The following MTCL1 variants were observed in gnomAD, a reference collection of about 807,000 sequenced individuals.
The protein encoded by MTCL1 is microtubule cross-linking factor 1.
MTCL1 carries 79 observed loss-of-function variants against 141.4 expected under a neutral mutation model. The observed-to-expected ratio is 0.56, with a 90% CI of 0.47 to 0.67. The LOEUF (loss-of-function observed/expected upper bound fraction) is 0.67. Among genes scored for constraint, MTCL1 ranks in the 30% least tolerant of loss-of-function variants. The pLI is 0.00. For synonymous variants in MTCL1, 914 were observed against 875.8 expected (o/e 1.04, Z -0.77); for missense variants, 2,177 against 2,113.9 (o/e 1.03, Z -0.59).
intron 5 of MTCL1, among the ~76,000 whole-genome samples, chr18:8,782,892 A>AC (rs1401239842): frequency 1.3e-5 from 2 of 152,146 alleles, no homozygotes; most frequent in Non-Finnish European, 2.9e-5. Flanking sequence ...TTCTTGTGGG[A>AC]CATTAGGGCT....
At position 8,813,245 on chromosome 18, in the gene MTCL1, C is replaced by T. The variant is rs202136408; in HGVS notation, c.2859+12C>T. 3.4e-4 allele frequency: 541 copies of T among 1,608,164 alleles called. No individual in the cohort carries two copies. Among genetic ancestry groups the T allele is most frequent in the Non-Finnish European group, 4.1e-4 (482 of 1,177,446 alleles). On this transcript the variant is annotated intron_variant, in intron 12 of 16. Transcript: ENST00000359865. Reference sequence around the variant, plus strand: ...GGAGGATAGAGCAGGTAAGGAGGCACCCCGGGGCCCTGGAGCATAGGCACA... The same window carrying T: ...GGAGGATAGAGCAGGTAAGGAGGCATCCCGGGGCCCTGGAGCATAGGCACA...
intron 4 of MTCL1, among the ~76,000 whole-genome samples, chr18:8,726,020 A>T (rs1202356789): frequency 6.6e-6 from 1 of 151,664 alleles, no homozygotes; most frequent in East Asian, 1.9e-4. Flanking sequence ...CTCAATCTCC[A>T]GACCTCGTGA....
intron 4 of MTCL1, among the ~76,000 whole-genome samples, chr18:8,767,841 T>C (rs640981): frequency 0.26 from 40,193 of 152,060 alleles, 5,589 homozygotes; most frequent in Middle Eastern, 0.39. Flanking sequence ...ATAATTCTAT[T>C]CCCCATTGAT....
chr18:8,741,073 C>T (rs570404444), intron 4 of MTCL1, among the ~76,000 whole-genome samples: 34 of 152,356 alleles, frequency 2.2e-4, no homozygotes, highest in African/African-American at 7.9e-4. Context: ...GGTGAAGGGA[C>T]ATGGCCAGGA....
At chr18:8,706,621 C>T in exon 1 of MTCL1, 1 of 1,540,778 alleles carries the variant, frequency 6.5e-7, no homozygotes, top group Non-Finnish European at 8.7e-7. Flanking sequence ...GGAGCCCAGC[C>T]TGGGCGAGCA....
intron 4 of MTCL1, among the ~76,000 whole-genome samples, chr18:8,762,172 T>G (rs1207990108): frequency 6.6e-6 from 1 of 152,200 alleles, no homozygotes; most frequent in African/African-American, 2.4e-5. Context: ...GAGTCCCTGA[T>G]AATTAGTGTC....
At chr18:8,831,823 C>T in exon 17 of MTCL1, 1 of 1,549,664 alleles carries the variant, frequency 6.5e-7, no homozygotes, top group Non-Finnish European at 8.7e-7. Context: ...TGGATTATCA[C>T]AGTATAATTC....
chr18:8,819,549 C>T (rs2076773123), intron 13 of MTCL1, among the ~76,000 whole-genome samples: 1 of 152,176 alleles, frequency 6.6e-6, no homozygotes, highest in Non-Finnish European at 1.5e-5. Context: ...TCCCATAAAA[C>T]ACACAAGAGG....
In MTCL1 at chr18:8,799,733, C is replaced by T. The variant is rs534443662; in HGVS notation, c.2436+1442C>T. On this transcript the variant is annotated intron_variant, in intron 10 of 16. Transcript: ENST00000359865. ...TGCGTCTAAGAAAACGTGTTTCCCA[C>T]GCATTCACGCAGATGCTCTGGACAA... Among the ~76,000 whole-genome samples the T allele has an allele frequency of 7.9e-5, 12 of 152,356 alleles. No individual in the cohort carries two copies. The South Asian group carries it at 1.4e-3, about 18-fold the overall frequency.
intron 4 of MTCL1, among the ~76,000 whole-genome samples, chr18:8,752,820 C>A (rs1282963080): frequency 6.6e-6 from 1 of 152,122 alleles, no homozygotes; most frequent in Non-Finnish European, 1.5e-5. Context: ...CCCCTGCCTC[C>A]AAGAGGAGTG....
At chr18:8,764,969 C>T (rs1179778318) in intron 4 of MTCL1, among the ~76,000 whole-genome samples, 3 of 152,160 alleles carry the variant, frequency 2.0e-5, no homozygotes, top group Non-Finnish European at 2.9e-5. Context: ...AAATAAAATG[C>T]CCGGAAGAGT....
intron 4 of MTCL1, among the ~76,000 whole-genome samples, chr18:8,729,133 T>G (rs950968289): frequency 4.6e-5 from 7 of 152,074 alleles, no homozygotes; most frequent in African/African-American, 1.7e-4. Flanking sequence ...AGCCTGGACC[T>G]CCTTGGGCTC....
At chr18:8,706,005 C>T (rs1484750913) in exon 1 of MTCL1, 9 of 1,160,688 alleles carry the variant, frequency 7.8e-6, no homozygotes, top group Non-Finnish European at 9.5e-6. Context: ...CGCCGGGCGC[C>T]GGGGCCAGAG....
At chr18:8,824,763 G>A in exon 15 of MTCL1, 1 of 1,614,164 alleles carries the variant, frequency 6.2e-7, no homozygotes, top group South Asian at 1.1e-5. Flanking sequence ...CTTCCTGCCT[G>A]AGAAGGGCCT....
intron 12 of MTCL1, among the ~76,000 whole-genome samples, chr18:8,816,227 A>G (rs1217375581): frequency 6.6e-6 from 1 of 152,222 alleles, no homozygotes; most frequent in Admixed American, 6.5e-5. Flanking sequence ...GTAACTGAAC[A>G]TTCTTCACAA....
chr18:8,783,909 A>G (rs1446807803), exon 6 of MTCL1: 1 of 1,612,934 alleles, frequency 6.2e-7, no homozygotes, highest in African/African-American at 1.3e-5. Flanking sequence ...CCCTTCGGTG[A>G]CTCCCTGGAG....
rs34524200 is a variant in MTCL1, at chr18:8,728,720, C to CTTTTTTTTTTTTTTT, written c.357+8238_357+8252dup. ...GTGGGGCCTTCTTATGTTGTCCATT[C>CTTTTTTTTTTTTTTT]TTTTTTTTTTTTTTTTTTTTTTTTT... On this transcript the variant is annotated intron_variant, in intron 4 of 16. Transcript: ENST00000359865. Among the ~76,000 whole-genome samples, 11 of 59,076 alleles carry CTTTTTTTTTTTTTTT rather than the reference C, an allele frequency of 1.9e-4. 3 individuals carry two copies. The highest frequency in any genetic ancestry group is 4.0e-4 in the African/African-American group (6 of 14,852). The allele number at this position is 59,076 out of a possible 152,430, so 38.8% of individuals were successfully genotyped here. A position where few individuals can be genotyped will look rare whatever the true frequency, so the allele number is the denominator to read the frequency against.
intron 4 of MTCL1, among the ~76,000 whole-genome samples, chr18:8,753,187 A>G (rs377325883): frequency 1.3e-5 from 2 of 152,250 alleles, no homozygotes; most frequent in East Asian, 1.9e-4. Flanking sequence ...GAACGTTTTC[A>G]TAAAATGCTA....
intron 16 of MTCL1, chr18:8,829,054 G>T: frequency 6.2e-7 from 1 of 1,603,206 alleles, no homozygotes; most frequent in South Asian, 1.1e-5. Flanking sequence ...ACCTGAGGGA[G>T]TTCTGCCCGG....
Sources: allele counts gnomAD v4.1 joint callset (sites outside exome capture counted in the v4.1 genomes callset), GRCh38; gene constraint gnomAD v4.1.1; transcripts MANE v1.5; gene names NCBI Gene and HGNC (gene_info 2026-07-23, HGNC 2026-07-21).